The following STON2 variants were observed in gnomAD, a reference collection of about 807,000 sequenced individuals.
The protein encoded by STON2 is stonin-2.
In STON2, 29 loss-of-function variants were observed where a neutral mutation model predicts 65.7. The ratio of observed to expected loss-of-function variants is 0.44; its 90% CI spans 0.33 to 0.60. The LOEUF (loss-of-function observed/expected upper bound fraction) is 0.60. STON2 is among the 20% of genes least tolerant of loss of function. The pLI, the probability that STON2 is intolerant of heterozygous loss-of-function variation, is 0.03. For missense variants in STON2, 1,054 were observed against 1,118.1 expected (o/e 0.94, Z 0.82); for synonymous variants, 404 against 414.2 (o/e 0.98, Z 0.30).
intron 4 of STON2, among the ~76,000 whole-genome samples, chr14:81,340,507 C>T (rs569868409): frequency 3.3e-5 from 5 of 152,136 alleles, no homozygotes; most frequent in East Asian, 1.9e-4. Flanking sequence ...ATGAGCACTA[C>T]GGATTTCCAT....
At chr14:81,313,587 G>C (rs1896510669) in intron 5 of STON2, among the ~76,000 whole-genome samples, 1 of 151,980 alleles carries the variant, frequency 6.6e-6, no homozygotes, top group Non-Finnish European at 1.5e-5. Context: ...TTGAGGTCAG[G>C]AGTTTGAGAC....
chr14:81,287,829 A>G (rs891688730), intron 5 of STON2, among the ~76,000 whole-genome samples: 4 of 152,108 alleles, frequency 2.6e-5, no homozygotes, highest in Non-Finnish European at 4.4e-5. Flanking sequence ...CTGACAACCA[A>G]CTATGACTGA....
intron 5 of STON2, among the ~76,000 whole-genome samples, chr14:81,321,998 G>C (rs1896837449): frequency 6.6e-6 from 1 of 152,166 alleles, no homozygotes. Flanking sequence ...TTTGCTTTTT[G>C]TAAGTGGTTG....
rs1334054845 is a variant in STON2, at chr14:81,260,744, CAG to C, written c.*7668_*7669del. On this transcript the variant is annotated 3_prime_UTR_variant, in exon 8 of 8. Coordinates refer to ENST00000614646, the MANE Select transcript of STON2 (RefSeq NM_001394390.1). ...AACTAAAAACAAAACCTCACCTCTA[CAG>C]AGATAGCCAGTGTGTAGACTTTATT... 1 of 151,308 alleles carries C rather than the reference CAG, an allele frequency of 6.6e-6. No homozygotes were observed. Among genetic ancestry groups the C allele is most frequent in the Non-Finnish European group, 1.5e-5 (1 of 67,940 alleles). The allele number at this position is 151,308 out of a possible 1,614,324, so 9.4% of individuals were successfully genotyped here.
Position 81,277,678 on chromosome 14 carries a change from C to T in STON2, c.1804G>A (p.Val602Ile). The change falls in exon 6 of 8, where the codon GTT (valine) becomes ATT (isoleucine). Residue 602 changes from valine (V) to isoleucine (I), a missense_variant. Physicochemically the swap from Val to Ile is conservative, Grantham distance 29 (BLOSUM62 3). Coordinates refer to ENST00000614646, the MANE Select transcript of STON2 (RefSeq NM_001394390.1). Reference sequence around the variant, plus strand: ...GGCAGATCCATGAGACGGTCCTGAACTGCATGGATGAAACTCAGGAAGTCA... The same window carrying T: ...GGCAGATCCATGAGACGGTCCTGAATTGCATGGATGAAACTCAGGAAGTCA... The part of the protein sequence containing the change: ...YDDFLSFIHA[V>I]QDRLMDLPVL... The T allele has an allele frequency of 1.2e-6, 2 of 1,614,190 alleles. No homozygotes were observed. Among genetic ancestry groups the T allele is most frequent in the South Asian group, 1.1e-5 (1 of 91,078 alleles).
At chr14:81,333,899 GA>G (rs1318609268) in intron 4 of STON2, among the ~76,000 whole-genome samples, 1 of 152,188 alleles carries the variant, frequency 6.6e-6, no homozygotes, top group Non-Finnish European at 1.5e-5. Flanking sequence ...GATTTCTAAT[GA>G]AAACATTTAC....
intron 2 of STON2, among the ~76,000 whole-genome samples, chr14:81,414,384 C>A (rs1024557106): frequency 6.6e-6 from 1 of 152,078 alleles, no homozygotes; most frequent in Non-Finnish European, 1.5e-5. Flanking sequence ...TGCTCTCACA[C>A]GCCAGGGCAA....
intron 5 of STON2, among the ~76,000 whole-genome samples, chr14:81,283,576 G>A (rs1895213030): frequency 7.3e-6 from 1 of 137,924 alleles, no homozygotes; most frequent in Non-Finnish European, 1.5e-5. Flanking sequence ...TGTTGCCCAA[G>A]CTGGAATGCA....
At chr14:81,314,281 C>T (rs1358437709) in intron 5 of STON2, among the ~76,000 whole-genome samples, 1 of 152,190 alleles carries the variant, frequency 6.6e-6, no homozygotes, top group Non-Finnish European at 1.5e-5. Context: ...GGCACAAGAA[C>T]GGCAGTTTCA....
intron 5 of STON2, among the ~76,000 whole-genome samples, chr14:81,298,905 C>G (rs116127302): frequency 0.016 from 2,507 of 152,220 alleles, 69 homozygotes; most frequent in African/African-American, 0.05. Flanking sequence ...AATTTTAAAA[C>G]TTTTTAAAAC....
At chr14:81,373,999 C>CTTTTTTTTTTTTT (rs57877137) in intron 3 of STON2, among the ~76,000 whole-genome samples, 4 of 60,468 alleles carry the variant, frequency 6.6e-5, no homozygotes, top group African/African-American at 3.2e-4. Flanking sequence ...ATAATAATGC[C>CTTTTTTTTTTTTT]TTTTTTTTTT....
chr14:81,330,122 T>C (rs981531960), intron 4 of STON2, among the ~76,000 whole-genome samples: 1 of 152,146 alleles, frequency 6.6e-6, no homozygotes, highest in Non-Finnish European at 1.5e-5. Context: ...ACATCTACAC[T>C]CTCTGACGTG....
chr14:81,396,037 A>T lies in STON2; in HGVS notation c.230T>A (p.Leu77His). The T allele has an allele frequency of 6.2e-7, 1 of 1,614,168 alleles. No individual in the cohort carries two copies. The highest frequency in any genetic ancestry group is 1.1e-5 in the South Asian group (1 of 91,080). The stretch of plus-strand genomic sequence containing the variant: ...AGGTGGGGAAGCTGCTTCAGAGATG[A>T]GGCCCATCTTTTCAGAGGAGTCATC... ...EQDDSSEKMG[L>H]ISEAASPPGS... Residue 77 changes from leucine to histidine, a missense_variant, in exon 3 of 8, where the codon CTC becomes CAC. Physicochemically the swap from Leu to His is moderately conservative, Grantham distance 99. Transcript: ENST00000614646.
chr14:81,429,805 GGCGCCTGTAATCCCC>G (rs1217269087), intron 1 of STON2, among the ~76,000 whole-genome samples: 1 of 151,988 alleles, frequency 6.6e-6, no homozygotes, highest in African/African-American at 2.4e-5. Context: ...CGTGATGGTG[GGCGCCTGTAATCCCC>G]GCTACTCGGC....
rs567950434 is a variant in STON2 at position 81,264,958 on chromosome 14, C to T, written c.*3456G>A. On this transcript the variant is annotated 3_prime_UTR_variant, in exon 8 of 8. Coordinates refer to ENST00000614646, the MANE Select transcript of STON2 (RefSeq NM_001394390.1). ...AGCAGGCCCTAGACTCAAAAGAAAG[C>T]ACAGCTCTTGATACCACGTGATATC... is the stretch of plus-strand genomic sequence containing the variant. The T allele has an allele frequency of 3.7e-5, 36 of 985,178 alleles. No homozygotes were observed. The East Asian group carries it at 3.9e-3, about 106-fold the overall frequency. 61.0% of individuals were successfully genotyped at this position (985,178 alleles called of 1,614,324 possible). A position where few individuals can be genotyped will look rare whatever the true frequency, so the allele number is the denominator to read the frequency against.
rs10138707 is a variant in STON2, at chr14:81,316,974, C to T, written c.742+7043G>A. Among the ~76,000 whole-genome samples, 1,084 of 152,042 alleles carry T rather than the reference C, an allele frequency of 7.1e-3. 14 individuals are homozygous for T. Among genetic ancestry groups the T allele is most frequent in the African/African-American group, 0.025 (1,040 of 41,486 alleles). ...GGCAGAGGTTGCAGTGAGCCGAGAT[C>T]GCACCACTGCACTCCAGCCTGGGTG... On this transcript the variant is annotated intron_variant, in intron 5 of 7. Coordinates refer to ENST00000614646, the MANE Select transcript of STON2 (RefSeq NM_001394390.1).
At chr14:81,381,058 TGA>T (rs1246785724) in intron 3 of STON2, among the ~76,000 whole-genome samples, 1 of 152,198 alleles carries the variant, frequency 6.6e-6, no homozygotes, top group African/African-American at 2.4e-5. Flanking sequence ...TGAATGAAGC[TGA>T]GTTTTGAGTA....
At position 81,291,858 on chromosome 14, in the gene STON2, T is replaced by TACACAC. The variant is rs59366676; in HGVS notation, c.743-13125_743-13120dup. ...GCATGTTTCAAATACTTAGCATGGG[T>TACACAC]ACACACACACACACACACACACACA... On this transcript the variant is annotated intron_variant, in intron 5 of 7. Coordinates refer to ENST00000614646, the MANE Select transcript of STON2 (RefSeq NM_001394390.1). Among the ~76,000 whole-genome samples the TACACAC allele has an allele frequency of 7.2e-3, 990 of 137,798 alleles. 9 individuals are homozygous for TACACAC. The highest frequency in any genetic ancestry group is 0.029 in the East Asian group (131 of 4,504). 90.4% of individuals were successfully genotyped at this position (137,798 alleles called of 152,430 possible).
At chr14:81,376,725 G>A (rs1219442051) in intron 3 of STON2, among the ~76,000 whole-genome samples, 7 of 151,980 alleles carry the variant, frequency 4.6e-5, no homozygotes, top group African/African-American at 1.7e-4. Flanking sequence ...TCTCAATCAT[G>A]GACATAGGTA....
Sources: gnomAD v4.1 joint callset for allele counts (sites outside exome capture counted in the v4.1 genomes callset) on GRCh38, gnomAD v4.1.1 for gene constraint, MANE v1.5 for transcripts, NCBI Gene and HGNC (gene_info 2026-07-23, HGNC 2026-07-21) for gene names.